SUN2: variants seen among roughly 807,000 people sequenced by gnomAD.
The protein encoded by SUN2 is Sad1 and UNC84 domain containing 2.
Under a neutral mutation model 100.0 loss-of-function variants are expected in SUN2, and 60 were observed. The ratio of observed to expected loss-of-function variants is 0.60; its 90% confidence interval spans 0.49 to 0.74. The LOEUF (loss-of-function observed/expected upper bound fraction) is 0.74. Ranked by LOEUF, SUN2 falls within the 30% of genes least tolerant of loss-of-function variation. SUN2 has a pLI of 0.00. For missense variants in SUN2, 834 were observed against 954.6 expected (o/e 0.87, Z 1.66); for synonymous variants, 367 against 403.3 (o/e 0.91, Z 1.08).
chr22:38,740,979 G>A lies in SUN2; in HGVS notation c.1190+28C>T, dbSNP rs561376445. On this transcript the variant is annotated intron_variant, in intron 11 of 17. Transcript: ENST00000689035. This position sits in a 1 kb window ranked among gnomAD's most constrained non-coding sequence, Gnocchi z 4.8. ...AGTGGGTGGGGCTGGGGAGGAGCAG[G>A]CCGAGGCCAGCTGGTGGCGCCCAGT... is the stretch of plus-strand genomic sequence containing the variant. 1 of 1,578,138 alleles carries A rather than the reference G, an allele frequency of 6.3e-7. No homozygotes were observed. Among genetic ancestry groups the A allele is most frequent in the East Asian group, 2.3e-5 (1 of 43,096 alleles).
intron 5 of SUN2, 64 bp from the exon 6 acceptor site, chr22:38,749,923 C>A: frequency 6.7e-7 from 1 of 1,494,470 alleles, no homozygotes; most frequent in Non-Finnish European, 9.1e-7. Flanking sequence ...TCCTTTGTCC[C>A]GTCTGCCGTC....
At position 38,755,318 on chromosome 22, in the gene SUN2, C is replaced by T. The variant is rs1439712670; in HGVS notation, c.-38+445G>A. The T allele has an allele frequency of 3.6e-6, 4 of 1,105,020 alleles. No homozygotes were observed. The East Asian group carries it at 2.9e-4, about 79-fold the overall frequency. 68.5% of individuals were successfully genotyped at this position (1,105,020 alleles called of 1,614,324 possible). A position where few individuals can be genotyped will look rare whatever the true frequency, so the allele number is the denominator to read the frequency against. ...GCGCGCCTCCTGGCTCTCTAAGTCA[C>T]ACCGCGCCCCCCATTGCTTTGTTTT... On this transcript the variant is annotated intron_variant, in intron 1 of 17. Transcript: ENST00000689035. The surrounding 1 kb of genome is among the most constrained non-coding windows in gnomAD (Gnocchi z 5.7).
rs1344954806 is a variant in SUN2 at position 38,738,527 on chromosome 22, A to G, written c.1947+60T>C. ...GGGTGACCCTGACTTGATCCTCAGT[A>G]GAGAGGCCCACAGGATCCCCCTGCA... On this transcript the variant is annotated intron_variant, in intron 16 of 17. Transcript: ENST00000689035. This position sits in a 1 kb window ranked among gnomAD's most constrained non-coding sequence, Gnocchi z 6.6. 2 of 1,577,072 alleles carry G rather than the reference A, an allele frequency of 1.3e-6. No individual in the cohort carries two copies. Among genetic ancestry groups the G allele is most frequent in the East Asian group, 2.3e-5 (1 of 44,420 alleles).
Position 38,741,557 on chromosome 22 carries a change from G to A in SUN2, c.1083C>T (p.Ala361=). Residue 361 remains alanine (A), a synonymous_variant, in exon 10 of 18, where the codon GCC becomes GCT. Coordinates refer to ENST00000689035, the MANE Select transcript of SUN2 (RefSeq NM_015374.3). ...AGTCTTGCTGATGCTCTGCTCTCAG[G>A]GCAGACAGTTCTTCCTGTGAGACGG... ...TAARIQEELS[A]LRAEHQQDSE... The A allele has an allele frequency of 1.2e-6, 2 of 1,614,038 alleles. No homozygotes were observed. The highest frequency in any genetic ancestry group is 1.7e-6 in the Non-Finnish European group (2 of 1,180,000).
intron 8 of SUN2, chr22:38,743,870 T>C (rs2092880352): frequency 6.6e-6 from 1 of 152,216 alleles, no homozygotes; most frequent in Admixed American, 6.5e-5. Context: ...CATGGTCTGG[T>C]ACTCACTTTG....
In SUN2 at chr22:38,740,236, G is replaced by A. The variant is rs1042690554; in HGVS notation, c.1356+31C>T. 2 of 1,517,674 alleles carry A rather than the reference G, an allele frequency of 1.3e-6. No individual in the cohort carries two copies. Among genetic ancestry groups the A allele is most frequent in the South Asian group, 2.6e-5 (2 of 77,726 alleles). The allele number at this position is 1,517,674 out of a possible 1,614,324, so 94.0% of individuals were successfully genotyped here. ...CGTCGTCTCAAAGGAGGAGGAGAGG[G>A]ACCAGCAGGGCCCTGGTGGTTCCCA... On this transcript the variant is annotated intron_variant, in intron 12 of 17. Transcript: ENST00000689035. The surrounding 1 kb of genome is among the most constrained non-coding windows in gnomAD (Gnocchi z 4.8).
At chr22:38,753,128 C>A (rs1045393310) in intron 1 of SUN2, among the ~76,000 whole-genome samples, 9 of 152,082 alleles carry the variant, frequency 5.9e-5, no homozygotes, top group African/African-American at 2.2e-4. Flanking sequence ...TAGCTGTGTC[C>A]CTTTGCTGAC....
At position 38,740,573 on chromosome 22, in the gene SUN2, A is replaced by C; in HGVS notation, c.1191-141T>G. On this transcript the variant is annotated intron_variant, in intron 11 of 17. Transcript: ENST00000689035. This position sits in a 1 kb window ranked among gnomAD's most constrained non-coding sequence, Gnocchi z 4.8. ...CTCATTGTGAACCTGAGAAGGGGCA[A>C]GGCCTCTCCTGGGGGTTCTGGCTGC... is the stretch of plus-strand genomic sequence containing the variant. 1.1e-6 allele frequency: 1 copy of C among 905,852 alleles called. No individual in the cohort carries two copies. Among genetic ancestry groups the C allele is most frequent in the African/African-American group, 1.7e-5 (1 of 58,580 alleles). 56.1% of individuals were successfully genotyped at this position (905,852 alleles called of 1,614,324 possible).
chr22:38,747,090 G>A (rs1052708594), intron 7 of SUN2, among the ~76,000 whole-genome samples: 18 of 152,178 alleles, frequency 1.2e-4, no homozygotes, highest in South Asian at 4.1e-4. Flanking sequence ...CCAGCACTTC[G>A]GGAGGCCGAG....
Position 38,738,321 on chromosome 22 carries a change from C to T in SUN2, c.1948-56G>A. ...GGCTGGAGCAGGGAGAACACCCCTC[C>T]CCACTCCAATCCCTGCTCCTCCCAC... On this transcript the variant is annotated intron_variant, in intron 16 of 17. Coordinates refer to ENST00000689035, the MANE Select transcript of SUN2 (RefSeq NM_015374.3). This position sits in a 1 kb window ranked among gnomAD's most constrained non-coding sequence, Gnocchi z 6.6. 1 of 1,465,218 alleles carries T rather than the reference C, an allele frequency of 6.8e-7. No individual in the cohort carries two copies. The highest frequency in any genetic ancestry group is 9.5e-7 in the Non-Finnish European group (1 of 1,054,208). 90.8% of individuals were successfully genotyped at this position (1,465,218 alleles called of 1,614,324 possible).
chr22:38,748,888 G>A (rs1286339853), intron 6 of SUN2, 105 bp from the exon 7 acceptor site: 3 of 1,145,790 alleles, frequency 2.6e-6, no homozygotes, highest in East Asian at 4.7e-5. Flanking sequence ...CCTGGGTGCT[G>A]AACTAGAGCT....
At chr22:38,746,331 C>T (rs969338909) in intron 7 of SUN2, among the ~76,000 whole-genome samples, 1 of 152,134 alleles carries the variant, frequency 6.6e-6, no homozygotes, top group Non-Finnish European at 1.5e-5. Flanking sequence ...AGAGGCTGCT[C>T]GAGGCCCAGA....
chr22:38,755,224 C>G lies in SUN2; in HGVS notation c.-38+539G>C. 8.5e-7 allele frequency: 1 copy of G among 1,183,166 alleles called. No individual in the cohort carries two copies. Among genetic ancestry groups the G allele is most frequent in the South Asian group, 1.6e-5 (1 of 62,394 alleles). 73.3% of individuals were successfully genotyped at this position (1,183,166 alleles called of 1,614,324 possible). A position where few individuals can be genotyped will look rare whatever the true frequency, so the allele number is the denominator to read the frequency against. ...GGCCACACGCCCTTGTGGGACCTGCCAAACGCCCGGTGCTAACTCCCTCTG... is the reference window on the plus strand; with the variant it reads ...GGCCACACGCCCTTGTGGGACCTGCGAAACGCCCGGTGCTAACTCCCTCTG... On this transcript the variant is annotated intron_variant, in intron 1 of 17. Transcript: ENST00000689035. The surrounding 1 kb of genome is among the most constrained non-coding windows in gnomAD (Gnocchi z 5.7).
intron 2 of SUN2, 135 bp downstream of exon 2, chr22:38,752,372 G>A (rs368962249): frequency 2.9e-5 from 32 of 1,104,704 alleles, no homozygotes; most frequent in East Asian, 1.9e-4. Context: ...TCGACCGGAC[G>A]GGGGCCCACG....
rs1274826013 is a variant in SUN2 at position 38,737,984 on chromosome 22, C to G, written c.2040+189G>C. 2.2e-5 allele frequency: 16 copies of G among 712,580 alleles called. No homozygotes were observed. Among genetic ancestry groups the G allele is most frequent in the Admixed American group, 2.0e-4 (10 of 49,746 alleles). The allele number at this position is 712,580 out of a possible 1,614,324, so 44.1% of individuals were successfully genotyped here. ...CCTCATGCTGCCCTTCTGGAAGGTG[C>G]CTTCCCCTGTGCTGACGTCTGCAGG... On this transcript the variant is annotated intron_variant, in intron 17 of 17. Transcript: ENST00000689035. The surrounding 1 kb of genome is among the most constrained non-coding windows in gnomAD (Gnocchi z 4.1).
rs2092977330 is a variant in SUN2, at chr22:38,755,315, T to G, written c.-38+448A>C. On this transcript the variant is annotated intron_variant, in intron 1 of 17. Coordinates refer to ENST00000689035, the MANE Select transcript of SUN2 (RefSeq NM_015374.3). This position sits in a 1 kb window ranked among gnomAD's most constrained non-coding sequence, Gnocchi z 5.7. ...AAGGCGCGCCTCCTGGCTCTCTAAG[T>G]CACACCGCGCCCCCCATTGCTTTGT... is the stretch of plus-strand genomic sequence containing the variant. 1 of 1,108,848 alleles carries G rather than the reference T, an allele frequency of 9.0e-7. No homozygotes were observed. The highest frequency in any genetic ancestry group is 7.1e-5 in the East Asian group (1 of 14,070). 68.7% of individuals were successfully genotyped at this position (1,108,848 alleles called of 1,614,324 possible).
At position 38,739,940 on chromosome 22, in the gene SUN2, C is replaced by T; in HGVS notation, c.1360G>A (p.Glu454Lys). ...CTGATCCAGGCCGGGAACTGAGATTCCACCTATAGGAACCCAAAGGGGTGT... is the reference window on the plus strand; with the variant it reads ...CTGATCCAGGCCGGGAACTGAGATTTCACCTATAGGAACCCAAAGGGGTGT... ...QQIQAVRDDV[E>K]SQFPAWISQF... Residue 454 changes from glutamate to lysine, a missense_variant, in exon 13 of 18, where the codon GAA becomes AAA. Glu to Lys is a moderately conservative substitution (Grantham distance 56, BLOSUM62 1). Transcript: ENST00000689035. The surrounding 1 kb of genome is among the most constrained non-coding windows in gnomAD (Gnocchi z 6.7). 1 of 1,610,310 alleles carries T rather than the reference C, an allele frequency of 6.2e-7. No homozygotes were observed. Among genetic ancestry groups the T allele is most frequent in the Non-Finnish European group, 8.5e-7 (1 of 1,179,868 alleles).
Position 38,751,234 on chromosome 22 carries a change from C to A in SUN2, c.262G>T (p.Glu88Ter). ...CCCCAGTTGGCGTCACCATGCAGTT[C>A]CTCCAGGGAGCTCCTGGGTGGGAAC... is the stretch of plus-strand genomic sequence containing the variant. The part of the protein sequence containing the change: ...SWFPPRSSLE[E>*]LHGDANWGED... Residue 88 changes from glutamate to a stop codon, truncating the protein, a stop_gained, in exon 3 of 18, where the codon GAA becomes TAA. Coordinates refer to ENST00000689035, the MANE Select transcript of SUN2 (RefSeq NM_015374.3). LOFTEE classifies it high-confidence loss of function. 6.2e-7 allele frequency: 1 copy of A among 1,613,600 alleles called. No homozygotes were observed. The highest frequency in any genetic ancestry group is 1.1e-5 in the South Asian group (1 of 91,068).
rs1054020146 is a variant in SUN2, at chr22:38,754,651, C to G, written c.-38+1112G>C. The G allele has an allele frequency of 6.2e-6, 8 of 1,283,030 alleles. No homozygotes were observed. The African/African-American group carries it at 1.1e-4, about 17-fold the overall frequency. The allele number at this position is 1,283,030 out of a possible 1,614,324, so 79.5% of individuals were successfully genotyped here. A position where few individuals can be genotyped will look rare whatever the true frequency, so the allele number is the denominator to read the frequency against. On this transcript the variant is annotated intron_variant, in intron 1 of 17. Coordinates refer to ENST00000689035, the MANE Select transcript of SUN2 (RefSeq NM_015374.3). ...CCCGTACGGTCCCTACCTGAAGGCT[C>G]CAGCTGCCCACACAGGGACTCCTCT...
Sources: gnomAD v4.1 joint callset for allele counts (sites outside exome capture counted in the v4.1 genomes callset) on GRCh38, gnomAD v4.1.1 for gene constraint, Gnocchi (gnomAD v3.1) non-coding constraint, MANE v1.5 for transcripts, NCBI Gene and HGNC (gene_info 2026-07-23, HGNC 2026-07-21) for gene names.